Variants in MORC1 observed in about 807,000 individuals in gnomAD.
MORC1 encodes the protein MORC family CW-type zinc finger protein 1.
A neutral mutation model predicts 134.9 loss-of-function variants in MORC1; 59 were observed. The observed-to-expected ratio is 0.44, with a 90% CI of 0.35 to 0.54. The LOEUF is 0.54. Among genes scored for constraint, MORC1 ranks in the 20% least tolerant of loss-of-function variants. The pLI, the probability that MORC1 is intolerant of heterozygous loss-of-function variation, is 0.00. For synonymous variants in MORC1, 395 were observed against 391.7 expected, an observed-to-expected ratio of 1.01 and a Z score of -0.10; for missense variants, 947 against 1,134.5, an observed-to-expected ratio of 0.83 and a Z score of 2.37.
At chr3:109,066,180 T>C (rs1051736252) in intron 9 of MORC1, among the ~76,000 whole-genome samples, 1 of 151,756 alleles carries the variant, frequency 6.6e-6, no homozygotes, top group Non-Finnish European at 1.5e-5. Flanking sequence ...AGTTGAAATT[T>C]AAAAAAAAGA....
At chr3:109,019,944 T>C (rs1047042103) in intron 17 of MORC1, among the ~76,000 whole-genome samples, 1 of 152,202 alleles carries the variant, frequency 6.6e-6, no homozygotes, top group African/African-American at 2.4e-5. Flanking sequence ...GTAATTCTCC[T>C]TTATTACAAA....
intron 8 of MORC1, among the ~76,000 whole-genome samples, chr3:109,072,008 A>C (rs1559936017): frequency 6.6e-6 from 1 of 152,114 alleles, no homozygotes; most frequent in Non-Finnish European, 1.5e-5. Context: ...TCACATGCCT[A>C]CTTTTAGAAG....
At chr3:109,081,325 A>T (rs1012247946) in intron 8 of MORC1, among the ~76,000 whole-genome samples, 1 of 152,186 alleles carries the variant, frequency 6.6e-6, no homozygotes, top group African/African-American at 2.4e-5. Flanking sequence ...CCACAACAGA[A>T]AACCAAAAAC....
rs1285564030 is a variant in MORC1, at chr3:108,964,471, C to T, written c.2605-863G>A. On this transcript the variant is annotated intron_variant, in intron 26 of 27. Transcript: ENST00000232603. ...CATTTGTCTTTTGGGCCTACCCTTC[C>T]CTTTTCAGACCCTCCACTACGTTGA... is the stretch of plus-strand genomic sequence containing the variant. 2.0e-5 allele frequency among the ~76,000 whole-genome samples: 3 copies of T among 152,140 alleles called. No homozygotes were observed. The East Asian group carries it at 5.8e-4, about 29-fold the overall frequency.
chr3:109,048,769 T>G (rs1018387788), intron 14 of MORC1, among the ~76,000 whole-genome samples: 17 of 152,140 alleles, frequency 1.1e-4, no homozygotes, highest in Non-Finnish European at 2.1e-4. Flanking sequence ...GTATGTCTCT[T>G]TGTGTATGAA....
chr3:109,053,504 C>T (rs140058922), intron 14 of MORC1, among the ~76,000 whole-genome samples: 1 of 150,410 alleles, frequency 6.6e-6, no homozygotes, highest in African/African-American at 2.5e-5. Flanking sequence ...GGCCGTTATC[C>T]TAAGCAAACT....
chr3:109,008,235 T>C (rs1313570845), intron 17 of MORC1, among the ~76,000 whole-genome samples: 1 of 152,170 alleles, frequency 6.6e-6, no homozygotes, highest in Non-Finnish European at 1.5e-5. Context: ...AAATAGGTAA[T>C]TTCACATTTG....
intron 14 of MORC1, among the ~76,000 whole-genome samples, chr3:109,040,628 G>C (rs577545995): frequency 2.6e-5 from 4 of 151,662 alleles, no homozygotes; most frequent in Non-Finnish European, 5.9e-5. Flanking sequence ...TCAGGAGTTT[G>C]AGATCAGCCT....
chr3:108,985,532 G>A (rs1947873619), intron 22 of MORC1, among the ~76,000 whole-genome samples: 1 of 152,186 alleles, frequency 6.6e-6, no homozygotes, highest in Non-Finnish European at 1.5e-5. Context: ...GTGGGTAAAT[G>A]GCTGAGGATC....
At position 109,032,772 on chromosome 3, in the gene MORC1, C is replaced by A. The variant is rs1949269364; in HGVS notation, c.1513G>T (p.Glu505Ter). ...LPSSTNYQEK[E>*]FFDIWICANN... The stretch of plus-strand genomic sequence containing the variant: ...GCACAAATCCAAATGTCAAAAAATT[C>A]TTTTTCCTGATAATTAGTAGAGGAA... Residue 505 changes from glutamate (E) to a stop codon, truncating the protein, a stop_gained, in exon 16 of 28, where the codon GAA (glutamate) becomes TAA (stop). Coordinates refer to ENST00000232603, the MANE Select transcript of MORC1 (RefSeq NM_014429.4). LOFTEE classifies it high-confidence loss of function. The A allele has an allele frequency of 2.5e-6, 4 of 1,609,300 alleles. No individual in the cohort carries two copies. In the South Asian group the frequency reaches 3.3e-5, roughly 13 times the overall value.
chr3:109,082,842 AGCAAG>A (rs1950548120), intron 8 of MORC1, among the ~76,000 whole-genome samples: 1 of 152,206 alleles, frequency 6.6e-6, no homozygotes, highest in South Asian at 2.1e-4. Context: ...ATAAAGCAAG[AGCAAG>A]GGTTAGAAAG....
intron 23 of MORC1, among the ~76,000 whole-genome samples, chr3:108,982,864 C>G (rs1947781041): frequency 6.6e-6 from 1 of 151,932 alleles, no homozygotes; most frequent in Non-Finnish European, 1.5e-5. Flanking sequence ...TTGGCAATCA[C>G]CATTCTGATT....
chr3:108,992,247 C>A (rs944679725), intron 21 of MORC1, among the ~76,000 whole-genome samples: 2 of 152,176 alleles, frequency 1.3e-5, no homozygotes, highest in African/African-American at 4.8e-5. Context: ...AATTACCATA[C>A]ACACTCTTGC....
At chr3:109,057,062 T>C (rs551808376) in intron 13 of MORC1, among the ~76,000 whole-genome samples, 1 of 152,322 alleles carries the variant, frequency 6.6e-6, no homozygotes, top group South Asian at 2.1e-4. Flanking sequence ...GCATTAAAAA[T>C]TTATGGCAAA....
At chr3:108,984,461 G>C (rs768058687) in intron 23 of MORC1, among the ~76,000 whole-genome samples, 83 of 152,004 alleles carry the variant, frequency 5.5e-4, no homozygotes, top group Non-Finnish European at 2.1e-4. Context: ...AAAGTAATTT[G>C]AATTGGTTAC....
chr3:109,032,548 A>T (rs1949264487), intron 16 of MORC1, among the ~76,000 whole-genome samples, 172 bp downstream of exon 16: 1 of 152,162 alleles, frequency 6.6e-6, no homozygotes, highest in African/African-American at 2.4e-5. Flanking sequence ...TTGATGGAAA[A>T]GCACGCCAAT....
intron 14 of MORC1, among the ~76,000 whole-genome samples, chr3:109,044,692 C>G (rs1218039205): frequency 6.6e-6 from 1 of 151,990 alleles, no homozygotes; most frequent in Non-Finnish European, 1.5e-5. Flanking sequence ...TGCCTGTAAT[C>G]CCAGCACTTT....
At chr3:109,086,798 G>A (rs1336579946) in intron 8 of MORC1, among the ~76,000 whole-genome samples, 1 of 151,766 alleles carries the variant, frequency 6.6e-6, no homozygotes, top group Non-Finnish European at 1.5e-5. Flanking sequence ...TTCAGATGTT[G>A]GTAAAATATC....
At chr3:108,982,895 T>C (rs2107456286) in intron 23 of MORC1, among the ~76,000 whole-genome samples, 1 of 152,092 alleles carries the variant, frequency 6.6e-6, no homozygotes, top group South Asian at 2.1e-4. Flanking sequence ...TGGATTATTT[T>C]TGCTTCTTCG....
Sources: allele counts gnomAD v4.1 joint callset (sites outside exome capture counted in the v4.1 genomes callset), GRCh38; gene constraint gnomAD v4.1.1; transcripts MANE v1.5; gene names NCBI Gene and HGNC (gene_info 2026-07-23, HGNC 2026-07-21).